The following CNST variants were observed in gnomAD, a reference collection of about 807,000 sequenced individuals.
CNST encodes consortin, connexin sorting protein.
CNST carries 39 observed loss-of-function variants against 72.4 expected under a neutral mutation model. The observed-to-expected ratio is 0.54, with a 90% confidence interval of 0.42 to 0.70. The LOEUF (loss-of-function observed/expected upper bound fraction) is 0.70. Ranked by LOEUF, CNST falls within the 30% of genes least tolerant of loss-of-function variation. The pLI is 0.00. For missense variants in CNST, 871 were observed against 868.5 expected, an observed-to-expected ratio of 1.00 and a Z score of -0.04; for synonymous variants, 332 against 320.1, an observed-to-expected ratio of 1.04 and a Z score of -0.40.
intron 10 of CNST, among the ~76,000 whole-genome samples, chr1:246,664,407 AT>A (rs1359240049): frequency 6.6e-6 from 1 of 151,088 alleles, no homozygotes; most frequent in Non-Finnish European, 1.5e-5. Context: ...CCGGAATTGC[AT>A]TCAGTTAACA....
chr1:246,660,796 T>C (rs1572258130), intron 10 of CNST, among the ~76,000 whole-genome samples: 1 of 152,192 alleles, frequency 6.6e-6, no homozygotes, highest in East Asian at 1.9e-4. Flanking sequence ...GAGAAACATA[T>C]AAAATCCAAC....
chr1:246,644,666 T>C (rs1279713022), intron 8 of CNST, among the ~76,000 whole-genome samples: 1 of 152,202 alleles, frequency 6.6e-6, no homozygotes, highest in East Asian at 1.9e-4. Flanking sequence ...TTTAGGTAAC[T>C]GACCCTCAGG....
chr1:246,590,946 TAAAAC>T (rs1206496542), intron 1 of CNST, among the ~76,000 whole-genome samples: 1 of 146,636 alleles, frequency 6.8e-6, no homozygotes, highest in Non-Finnish European at 1.5e-5. Flanking sequence ...AAATAAAAAA[TAAAAC>T]GATAGTATAA....
intron 2 of CNST, among the ~76,000 whole-genome samples, chr1:246,598,083 G>C (rs960431439): frequency 2.6e-5 from 4 of 152,032 alleles, no homozygotes; most frequent in African/African-American, 9.7e-5. Flanking sequence ...CCAGGCTCAG[G>C]TGATTCTCTC....
At chr1:246,589,049 A>C (rs542150634) in intron 1 of CNST, among the ~76,000 whole-genome samples, 1 of 152,170 alleles carries the variant, frequency 6.6e-6, no homozygotes, top group Non-Finnish European at 1.5e-5. Context: ...GCATAGGTAT[A>C]GAATAGAGCT....
chr1:246,614,731 A>G lies in CNST; in HGVS notation c.380-6698A>G, dbSNP rs576918374. ...GTGATCTGCCCACCTCAGCCTCCCA[A>G]AGTGCTGAGATTACAGATGTGAGCC... On this transcript the variant is annotated intron_variant, in intron 2 of 10. Coordinates refer to ENST00000366513, the MANE Select transcript of CNST (RefSeq NM_152609.3). Among the ~76,000 whole-genome samples, 21 of 152,120 alleles carry G rather than the reference A, an allele frequency of 1.4e-4. No homozygotes were observed. In the South Asian group the frequency reaches 4.4e-3, roughly 32 times the overall value.
intron 1 of CNST, among the ~76,000 whole-genome samples, chr1:246,580,175 C>T (rs994917195): frequency 6.6e-6 from 1 of 151,970 alleles, no homozygotes; most frequent in Non-Finnish European, 1.5e-5. Context: ...TGTAACATTA[C>T]CAGTTTTCTC....
intron 1 of CNST, among the ~76,000 whole-genome samples, chr1:246,578,691 C>A (rs572863812): frequency 2.6e-5 from 4 of 152,152 alleles, no homozygotes; most frequent in African/African-American, 9.6e-5. Context: ...ACTATTGCCT[C>A]AAATTATAAT....
chr1:246,658,687 C>A lies in CNST; in HGVS notation c.1837-1512C>A, dbSNP rs191669586. Among the ~76,000 whole-genome samples the A allele has an allele frequency of 1.0e-3, 155 of 152,312 alleles. 1 individual carries two copies. Among genetic ancestry groups the A allele is most frequent in the Admixed American group, 3.4e-3 (52 of 15,300 alleles). On this transcript the variant is annotated intron_variant, in intron 9 of 10. Transcript: ENST00000366513. Reference sequence around the variant, plus strand: ...TTGATTAGATAAATGACATTAGAGGCCATCCTCAGCTTAGTCACTGAGGCC... The same window carrying A: ...TTGATTAGATAAATGACATTAGAGGACATCCTCAGCTTAGTCACTGAGGCC...
At position 246,582,169 on chromosome 1, in the gene CNST, C is replaced by T. The variant is rs116348124; in HGVS notation, c.-51-9343C>T. On this transcript the variant is annotated intron_variant, in intron 1 of 10. Coordinates refer to ENST00000366513, the MANE Select transcript of CNST (RefSeq NM_152609.3). ...CTGGCCCTTCACACAAATCAAAAAACGAAGTTAAACACGACTTTGCTGTTG... is the reference window on the plus strand; with the variant it reads ...CTGGCCCTTCACACAAATCAAAAAATGAAGTTAAACACGACTTTGCTGTTG... 2.4e-3 allele frequency among the ~76,000 whole-genome samples: 361 copies of T among 152,248 alleles called. 1 individual carries two copies. The highest frequency in any genetic ancestry group is 8.0e-3 in the African/African-American group (331 of 41,548).
At position 246,649,130 on chromosome 1, in the gene CNST, T is replaced by G. The variant is rs573686248; in HGVS notation, c.1836+1093T>G. 5.7e-4 allele frequency among the ~76,000 whole-genome samples: 86 copies of G among 151,958 alleles called. 1 individual carries two copies. The highest frequency in any genetic ancestry group is 1.0e-3 in the Non-Finnish European group (71 of 67,960). ...TTTAACCAGACAGCTTGGTTGCCAT[T>G]TGCAGTTAATTCTCTACAGACTGTT... On this transcript the variant is annotated intron_variant, in intron 9 of 10. Transcript: ENST00000366513.
chr1:246,628,562 G>A (rs1430567270), intron 3 of CNST, among the ~76,000 whole-genome samples: 1 of 152,148 alleles, frequency 6.6e-6, no homozygotes, highest in African/African-American at 2.4e-5. Context: ...TTTTTACACT[G>A]ACTTAGTTAA....
At chr1:246,636,434 C>T (rs1216031899) in intron 6 of CNST, among the ~76,000 whole-genome samples, 1 of 152,190 alleles carries the variant, frequency 6.6e-6, no homozygotes, top group East Asian at 1.9e-4. Flanking sequence ...CTGCGGGCTC[C>T]CCCGCATACC....
chr1:246,595,025 C>A (rs1448201468), intron 2 of CNST, among the ~76,000 whole-genome samples: 1 of 152,036 alleles, frequency 6.6e-6, no homozygotes, highest in Non-Finnish European at 1.5e-5. Flanking sequence ...TTATATTTTA[C>A]AGATACATTT....
chr1:246,578,499 G>A lies in CNST; in HGVS notation c.-52+11836G>A, dbSNP rs530564956. On this transcript the variant is annotated intron_variant, in intron 1 of 10. Transcript: ENST00000366513. ...ATCCTGGCTAACACGGTGAAACCCC[G>A]TCTCTACTAAACATACAAAAAATTA... Among the ~76,000 whole-genome samples the A allele has an allele frequency of 1.4e-4, 21 of 151,992 alleles. No homozygotes were observed. The South Asian group carries it at 2.5e-3, about 18-fold the overall frequency.
chr1:246,619,964 T>C (rs1411087832), intron 2 of CNST, among the ~76,000 whole-genome samples: 6 of 73,316 alleles, frequency 8.2e-5, no homozygotes, highest in South Asian at 6.9e-4. Flanking sequence ...CAGTCGTGCA[T>C]ACACACGATG....
At chr1:246,662,471 C>T (rs931508317) in intron 10 of CNST, among the ~76,000 whole-genome samples, 16 of 152,340 alleles carry the variant, frequency 1.1e-4, no homozygotes, top group African/African-American at 3.8e-4. Flanking sequence ...TCGCTGCAAC[C>T]TCCGCCTCCC....
chr1:246,614,756 C>A (rs940727306), intron 2 of CNST, among the ~76,000 whole-genome samples: 10 of 152,160 alleles, frequency 6.6e-5, no homozygotes, highest in African/African-American at 2.2e-4. Context: ...AGATGTGAGC[C>A]ACCATGCCCG....
At chr1:246,660,801 T>G (rs994595089) in intron 10 of CNST, among the ~76,000 whole-genome samples, 1 of 152,158 alleles carries the variant, frequency 6.6e-6, no homozygotes, top group Non-Finnish European at 1.5e-5. Context: ...ACATATAAAA[T>G]CCAACTATCA....
Sources: allele counts gnomAD v4.1 joint callset (sites outside exome capture counted in the v4.1 genomes callset), GRCh38; gene constraint gnomAD v4.1.1; transcripts MANE v1.5; gene names NCBI Gene and HGNC (gene_info 2026-07-23, HGNC 2026-07-21).